The following SLCO1A2 variants were observed in gnomAD, a reference collection of about 807,000 sequenced individuals.
SLCO1A2 encodes OATP-1.
SLCO1A2 carries 67 observed loss-of-function variants against 69.0 expected under a neutral mutation model. The observed-to-expected ratio is 0.97, with a 90% CI of 0.80 to 1.19. The LOEUF is 1.19. SLCO1A2 is among the 50% of genes most tolerant of loss of function. SLCO1A2 has a pLI of 0.00. For synonymous variants in SLCO1A2, 260 were observed against 265.9 expected, an observed-to-expected ratio of 0.98 and a Z score of 0.22; for missense variants, 787 against 793.7, an observed-to-expected ratio of 0.99 and a Z score of 0.10.
intron 2 of SLCO1A2, among the ~76,000 whole-genome samples, chr12:21,323,827 G>T (rs1031698088): frequency 6.6e-6 from 1 of 152,130 alleles, no homozygotes; most frequent in Non-Finnish European, 1.5e-5. Context: ...CCCATCCTTG[G>T]TTTGGATGAT....
chr12:21,332,490 C>G (rs34699822), intron 2 of SLCO1A2, among the ~76,000 whole-genome samples: 1 of 151,976 alleles, frequency 6.6e-6, no homozygotes, highest in East Asian at 1.9e-4. Context: ...TTGGTTATTC[C>G]TGAATTCCAA....
intron 9 of SLCO1A2, among the ~76,000 whole-genome samples, chr12:21,296,953 G>A (rs965733590): frequency 1.3e-5 from 2 of 152,158 alleles, no homozygotes; most frequent in East Asian, 3.9e-4. Context: ...AGGAAAAGCC[G>A]AATGTGTGTG....
At chr12:21,398,702 G>T (rs1317195369), upstream of SLCO1A2, among the ~76,000 whole-genome samples, 2 of 151,416 alleles carry the variant, frequency 1.3e-5, no homozygotes, top group South Asian at 4.2e-4. Context: ...TCATCCCTGG[G>T]ATGCAAGGCT....
chr12:21,293,441 T>C (rs185543502), intron 11 of SLCO1A2, among the ~76,000 whole-genome samples: 1 of 152,164 alleles, frequency 6.6e-6, no homozygotes, highest in African/African-American at 2.4e-5. Flanking sequence ...TATATTAATA[T>C]TACAATTGAT....
At chr12:21,374,523 C>G (rs1368715843) in exon 2 of SLCO1A2, 2 of 152,186 alleles carry the variant, frequency 1.3e-5, no homozygotes, top group Non-Finnish European at 2.9e-5. Flanking sequence ...ATTTCTACAG[C>G]ACCTACGTAT....
upstream of SLCO1A2, among the ~76,000 whole-genome samples, chr12:21,395,986 G>A (rs1277175861): frequency 6.6e-5 from 10 of 151,012 alleles, no homozygotes; most frequent in Admixed American, 4.6e-4. Flanking sequence ...CCAAAGGAAC[G>A]CAGTTCCTCA....
chr12:21,293,365 T>C (rs1947206762), intron 11 of SLCO1A2, among the ~76,000 whole-genome samples: 1 of 152,134 alleles, frequency 6.6e-6, no homozygotes, highest in Non-Finnish European at 1.5e-5. Flanking sequence ...TTTTTTGAAT[T>C]GTTACATGTT....
At chr12:21,352,412 G>A (rs954908959) in intron 2 of SLCO1A2, among the ~76,000 whole-genome samples, 1 of 152,148 alleles carries the variant, frequency 6.6e-6, no homozygotes, top group African/African-American at 2.4e-5. Context: ...TATTACCATA[G>A]TTCCTCCCTT....
intron 1 of SLCO1A2, among the ~76,000 whole-genome samples, chr12:21,394,366 TAC>T (rs71043268): frequency 0.11 from 16,143 of 147,382 alleles, 1,091 homozygotes; most frequent in East Asian, 0.38. Context: ...ACCACATCTT[TAC>T]ACACACACAC....
intron 2 of SLCO1A2, among the ~76,000 whole-genome samples, chr12:21,366,519 A>G (rs1044757754): frequency 4.6e-4 from 70 of 152,310 alleles, no homozygotes; most frequent in African/African-American, 1.5e-3. Context: ...CATTGTGCAC[A>G]TGTACCCTAG....
intron 1 of SLCO1A2, among the ~76,000 whole-genome samples, chr12:21,405,637 A>G (rs1267624984): frequency 6.6e-6 from 1 of 152,198 alleles, no homozygotes; most frequent in Non-Finnish European, 1.5e-5. Flanking sequence ...ATCTACAACC[A>G]TCTGACCTTT....
At chr12:21,276,555 C>A (rs2086194) in intron 12 of SLCO1A2, among the ~76,000 whole-genome samples, 15,151 of 111,332 alleles carry the variant, frequency 0.14, 994 homozygotes, top group Non-Finnish European at 0.15. Flanking sequence ...CAAAAAAAAA[C>A]CAAAAAAAAC....
In SLCO1A2 at chr12:21,280,794, A is replaced by G. The variant is rs1182071357; in HGVS notation, c.1611-5370T>C. Among the ~76,000 whole-genome samples, 27 of 152,164 alleles carry G rather than the reference A, an allele frequency of 1.8e-4. 1 individual carries two copies. The highest frequency in any genetic ancestry group is 1.8e-3 in the Admixed American group (27 of 15,270). ...TATCCAATGGCTACAGAATACAAATATGAATCCAGCACATGGATCATTCTC... is the reference window on the plus strand; with the variant it reads ...TATCCAATGGCTACAGAATACAAATGTGAATCCAGCACATGGATCATTCTC... On this transcript the variant is annotated intron_variant, in intron 12 of 14. Transcript: ENST00000683939.
At position 21,318,854 on chromosome 12, in the gene SLCO1A2, G is replaced by A. The variant is rs1386876012; in HGVS notation, c.130C>T (p.Leu44Phe). 6.2e-7 allele frequency: 1 copy of A among 1,610,828 alleles called. No homozygotes were observed. Residue 44 changes from leucine (L) to phenylalanine (F), a missense_variant, in exon 3 of 15, where the codon CTC becomes TTC. Transcript: ENST00000683939. Reference protein sequence around the residue: ...TLSGSYMNSMLTQIERQFNIP... With the variant: ...TLSGSYMNSMFTQIERQFNIP... ...TTGAATTGTCTCTCTATTTGTGTGA[G>A]CATGGAATTCATATAAGATCCAGAC...
chr12:21,413,237 C>CTTTTTTTTTTTTT (rs3983534), intron 1 of SLCO1A2, among the ~76,000 whole-genome samples: 34 of 99,408 alleles, frequency 3.4e-4, no homozygotes, highest in African/African-American at 4.8e-4. Flanking sequence ...TTTTCTTTTT[C>CTTTTTTTTTTTTT]TTTTTTTTTT....
intron 2 of SLCO1A2, among the ~76,000 whole-genome samples, chr12:21,352,585 TATTA>T (rs1565512147): frequency 2.0e-5 from 3 of 152,300 alleles, no homozygotes; most frequent in South Asian, 4.1e-4. Flanking sequence ...ACACACTCTT[TATTA>T]ATTAATACCT....
intron 1 of SLCO1A2, among the ~76,000 whole-genome samples, chr12:21,412,508 A>T (rs771755594): frequency 1.3e-5 from 2 of 152,170 alleles, no homozygotes; most frequent in Non-Finnish European, 2.9e-5. Flanking sequence ...TGTTTATGAA[A>T]TGATATTTGT....
rs1948607692 is a variant in SLCO1A2 at position 21,300,701 on chromosome 12, A to C, written c.689-132T>G. ...TGGCTTATAATTCAGACACTGATAA[A>C]ATTTTTCTAATAATATGTGGTGTTG... On this transcript the variant is annotated intron_variant, in intron 7 of 14. Coordinates refer to ENST00000683939, the MANE Select transcript of SLCO1A2 (RefSeq NM_001386879.1). The C allele has an allele frequency of 6.2e-6, 4 of 649,882 alleles. No homozygotes were observed. In the Admixed American group the frequency reaches 1.4e-4, roughly 23 times the overall value. The allele number at this position is 649,882 out of a possible 1,614,324, so 40.3% of individuals were successfully genotyped here. A position where few individuals can be genotyped will look rare whatever the true frequency, so the allele number is the denominator to read the frequency against.
upstream of SLCO1A2, among the ~76,000 whole-genome samples, chr12:21,396,197 A>G (rs1176577374): frequency 6.7e-6 from 1 of 150,106 alleles, no homozygotes; most frequent in Non-Finnish European, 1.5e-5. Context: ...GGAGCTGAAA[A>G]CCAAGGCTCG....
Sources: allele counts gnomAD v4.1 joint callset (sites outside exome capture counted in the v4.1 genomes callset), GRCh38; gene constraint gnomAD v4.1.1; transcripts MANE v1.5; gene names NCBI Gene and HGNC (gene_info 2026-07-23, HGNC 2026-07-21).